Variants in SLC4A4 observed in about 807,000 individuals in gnomAD.
SLC4A4 encodes the protein solute carrier family 4 member 4.
In SLC4A4, 27 loss-of-function variants were observed where a neutral mutation model predicts 111.5. The observed-to-expected ratio is 0.24, with a 90% CI of 0.18 to 0.33. The LOEUF is 0.33. Ranked by LOEUF, SLC4A4 falls within the 10% of genes least tolerant of loss-of-function variation. The pLI, the probability that SLC4A4 is intolerant of heterozygous loss-of-function variation, is 1.00. For missense variants in SLC4A4, 909 were observed against 1,315.5 expected (o/e 0.69, Z 4.78); for synonymous variants, 443 against 463.4 (o/e 0.96, Z 0.57).
At chr4:71,490,556 G>A (rs1729807871) in intron 15 of SLC4A4, among the ~76,000 whole-genome samples, 1 of 151,716 alleles carries the variant, frequency 6.6e-6, no homozygotes, top group South Asian at 2.1e-4. Context: ...GCAGATACCT[G>A]AGCCCTTTCC....
intron 3 of SLC4A4, among the ~76,000 whole-genome samples, chr4:71,308,553 G>T (rs1310161058): frequency 1.3e-5 from 2 of 152,134 alleles, no homozygotes; most frequent in African/African-American, 2.4e-5. Context: ...TGGTTAGACA[G>T]GGGGTGCAGC....
chr4:71,431,082 C>G (rs1723604671), intron 7 of SLC4A4, among the ~76,000 whole-genome samples: 1 of 152,012 alleles, frequency 6.6e-6, no homozygotes, highest in Non-Finnish European at 1.5e-5. Flanking sequence ...TTCCTCAGCC[C>G]CTCAGGCACT....
chr4:71,487,357 AG>A (rs1168663304), intron 15 of SLC4A4, among the ~76,000 whole-genome samples: 1 of 151,714 alleles, frequency 6.6e-6, no homozygotes, highest in East Asian at 1.9e-4. Flanking sequence ...ATGAGAGCAC[AG>A]TATCCTCTCT....
chr4:71,111,506 G>T (rs1455029240), intron 2 of SLC4A4, among the ~76,000 whole-genome samples: 1 of 139,512 alleles, frequency 7.2e-6, no homozygotes, highest in East Asian at 2.1e-4. Flanking sequence ...GATTACAGGT[G>T]CCTGCCACCA....
chr4:71,311,890 T>TGAGAGA (rs761331086), intron 3 of SLC4A4, among the ~76,000 whole-genome samples: 6,934 of 76,300 alleles, frequency 0.091, 576 homozygotes, highest in East Asian at 0.14. Context: ...TGCAAGGCTG[T>TGAGAGA]GAGAGAGAGA....
intron 2 of SLC4A4, among the ~76,000 whole-genome samples, chr4:71,113,479 G>C (rs1250816201): frequency 1.3e-5 from 2 of 152,194 alleles, no homozygotes; most frequent in African/African-American, 2.4e-5. Context: ...GGGCACTGAA[G>C]ATCCCAGGAG....
At chr4:71,243,883 A>G (rs1720434853) in intron 2 of SLC4A4, among the ~76,000 whole-genome samples, 1 of 152,174 alleles carries the variant, frequency 6.6e-6, no homozygotes, top group African/African-American at 2.4e-5. Flanking sequence ...CTTAGACCTC[A>G]TGAAATATTA....
intron 7 of SLC4A4, among the ~76,000 whole-genome samples, chr4:71,413,323 A>T (rs1057374833): frequency 6.6e-6 from 1 of 152,156 alleles, no homozygotes; most frequent in African/African-American, 2.4e-5. Context: ...ATTGTTTCCC[A>T]GCTTATAGTA....
At chr4:71,108,411 G>C (rs764702978) in intron 2 of SLC4A4, among the ~76,000 whole-genome samples, 3 of 152,086 alleles carry the variant, frequency 2.0e-5, no homozygotes, top group Non-Finnish European at 4.4e-5. Context: ...GCTGCATATA[G>C]GATTCTTGTT....
intron 7 of SLC4A4, among the ~76,000 whole-genome samples, chr4:71,427,973 G>T (rs1317581319): frequency 6.6e-6 from 1 of 152,132 alleles, no homozygotes; most frequent in Non-Finnish European, 1.5e-5. Context: ...GTAAGAGAAA[G>T]AAGTCAGCTT....
At chr4:71,226,059 A>G (rs1719029376) in intron 1 of SLC4A4, among the ~76,000 whole-genome samples, 1 of 152,206 alleles carries the variant, frequency 6.6e-6, no homozygotes, top group East Asian at 1.9e-4. Context: ...AACACATTAC[A>G]GAGTTTTATT....
At chr4:71,225,878 T>C (rs938216419) in intron 1 of SLC4A4, among the ~76,000 whole-genome samples, 1 of 152,218 alleles carries the variant, frequency 6.6e-6, no homozygotes, top group African/African-American at 2.4e-5. Context: ...TAACTGACGA[T>C]TTTAGTTATT....
chr4:71,374,226 CT>C (rs1374486428), intron 6 of SLC4A4, among the ~76,000 whole-genome samples: 1 of 152,172 alleles, frequency 6.6e-6, no homozygotes, highest in Non-Finnish European at 1.5e-5. Context: ...TTCCATCCCT[CT>C]GTTTTTTTCA....
In SLC4A4 at chr4:71,397,668, C is replaced by G; in HGVS notation, c.807+15C>G. On this transcript the variant is annotated intron_variant, in intron 7 of 25. Transcript: ENST00000264485. ...AGAAGGACCAGGTAAGCAAAAAATTCTTGCTTCTTTGAAATGTAAGAGAAC... is the reference window on the plus strand; with the variant it reads ...AGAAGGACCAGGTAAGCAAAAAATTGTTGCTTCTTTGAAATGTAAGAGAAC... The G allele has an allele frequency of 4.4e-6, 7 of 1,609,124 alleles. No homozygotes were observed. Among genetic ancestry groups the G allele is most frequent in the Non-Finnish European group, 6.0e-6 (7 of 1,175,516 alleles).
At chr4:71,513,882 A>G (rs1732146401) in intron 16 of SLC4A4, among the ~76,000 whole-genome samples, 1 of 152,204 alleles carries the variant, frequency 6.6e-6, no homozygotes, top group African/African-American at 2.4e-5. Context: ...GCATTGATTG[A>G]GATGACTGTA....
At chr4:71,354,104 G>A (rs1279935290) in intron 5 of SLC4A4, among the ~76,000 whole-genome samples, 1 of 152,066 alleles carries the variant, frequency 6.6e-6, no homozygotes, top group Admixed American at 6.5e-5. Flanking sequence ...TTTATTATTA[G>A]TATCCTCATT....
chr4:71,152,989 GTATATATAAATATATATGTGTA>G (rs1433425587), intron 2 of SLC4A4, among the ~76,000 whole-genome samples: 2 of 143,328 alleles, frequency 1.4e-5, no homozygotes, highest in African/African-American at 5.3e-5. Flanking sequence ...ATATATATGT[GTATATATAAATATATATGTGTA>G]TATATATAAA....
intron 8 of SLC4A4, among the ~76,000 whole-genome samples, chr4:71,443,152 A>ATATATATATATATATAT (rs1724918756): frequency 9.7e-5 from 11 of 113,940 alleles, no homozygotes; most frequent in South Asian, 2.8e-4. Flanking sequence ...ATATATATAT[A>ATATATATATATATATAT]AATTTTTTGA....
chr4:71,163,582 T>A (rs1744662721), intron 2 of SLC4A4, among the ~76,000 whole-genome samples: 1 of 152,222 alleles, frequency 6.6e-6, no homozygotes, highest in Non-Finnish European at 1.5e-5. Flanking sequence ...AACAAAACAG[T>A]AGATATATAG....
Sources: allele counts gnomAD v4.1 joint callset (sites outside exome capture counted in the v4.1 genomes callset), GRCh38; gene constraint gnomAD v4.1.1; transcripts MANE v1.5; gene names NCBI Gene and HGNC (gene_info 2026-07-23, HGNC 2026-07-21).